Variants in DAPK1 observed in about 807,000 individuals in gnomAD.
DAPK1 encodes the protein death-associated protein kinase 1.
Under a neutral mutation model 144.9 loss-of-function variants are expected in DAPK1, and 56 were observed. The ratio of observed to expected loss-of-function variants is 0.39; its 90% CI spans 0.31 to 0.48. The LOEUF (loss-of-function observed/expected upper bound fraction) is 0.48, where lower values mean the gene tolerates loss of function less well. DAPK1 is among the 20% of genes least tolerant of loss of function. DAPK1 has a pLI of 0.95. For synonymous variants in DAPK1, 690 were observed against 749.0 expected (o/e 0.92, Z 1.29); for missense variants, 1,454 against 1,875.4 (o/e 0.78, Z 4.15).
chr9:87,580,856 CT>C, intron 2 of DAPK1, among the ~76,000 whole-genome samples: 1 of 152,290 alleles, frequency 6.6e-6, no homozygotes, highest in East Asian at 1.9e-4. Context: ...AAGCAGTGCT[CT>C]GAGTATGGGT....
chr9:87,536,208 AG>A (rs1159070022), intron 2 of DAPK1, among the ~76,000 whole-genome samples: 1 of 152,216 alleles, frequency 6.6e-6, no homozygotes, highest in East Asian at 1.9e-4. Context: ...GACATGTAGC[AG>A]AGGTACTAGT....
At chr9:87,611,089 G>A (rs1306312967) in intron 3 of DAPK1, among the ~76,000 whole-genome samples, 2 of 152,208 alleles carry the variant, frequency 1.3e-5, no homozygotes, top group South Asian at 2.1e-4. Flanking sequence ...TATAGGAGAA[G>A]TAACATGAGA....
intron 18 of DAPK1, among the ~76,000 whole-genome samples, chr9:87,659,321 C>T (rs559540804): frequency 2.0e-5 from 3 of 152,160 alleles, no homozygotes; most frequent in African/African-American, 2.4e-5. Context: ...GGTCACCCAC[C>T]GCAAACGCAC....
intron 2 of DAPK1, among the ~76,000 whole-genome samples, chr9:87,600,968 G>A (rs1828495054): frequency 6.6e-6 from 1 of 152,138 alleles, no homozygotes; most frequent in South Asian, 2.1e-4. Context: ...TCCTCTGAGG[G>A]CACACGATTT....
In DAPK1 at chr9:87,498,950, C is replaced by A; in HGVS notation, c.-108-20C>A. 1 of 631,948 alleles carries A rather than the reference C, an allele frequency of 1.6e-6. No individual in the cohort carries two copies. The highest frequency in any genetic ancestry group is 2.7e-6 in the Non-Finnish European group (1 of 363,952). The allele number at this position is 631,948 out of a possible 1,614,324, so 39.1% of individuals were successfully genotyped here. On this transcript the variant is annotated intron_variant, in intron 1 of 25. Transcript: ENST00000408954. ...GTTGCCATTTTACTATTATTATTGC[C>A]TTTTTTTTTTCTTCAAAAGGACTGG...
In DAPK1 at chr9:87,704,374, C is replaced by T. The variant is rs143437104; in HGVS notation, c.3060+1157C>T. On this transcript the variant is annotated intron_variant, in intron 25 of 25. Coordinates refer to ENST00000408954, the MANE Select transcript of DAPK1 (RefSeq NM_004938.4). Reference sequence around the variant, plus strand: ...TAGTCTCCTTTATTTGTCATTACATCCCTGCTTGCCCTTGAGAGTTTAGTA... The same window carrying T: ...TAGTCTCCTTTATTTGTCATTACATTCCTGCTTGCCCTTGAGAGTTTAGTA... Among the ~76,000 whole-genome samples the T allele has an allele frequency of 3.3e-4, 51 of 152,298 alleles. 1 individual carries two copies. In the East Asian group the frequency reaches 8.9e-3, roughly 27 times the overall value.
At chr9:87,658,175 T>C (rs1414500523) in intron 18 of DAPK1, 48 bp downstream of exon 18, 1 of 765,674 alleles carries the variant, frequency 1.3e-6, no homozygotes, top group East Asian at 2.5e-5. Context: ...TGGGAGCCTC[T>C]GGCGCCTCCA....
chr9:87,626,476 G>A (rs1274272164), intron 3 of DAPK1, among the ~76,000 whole-genome samples: 2 of 152,140 alleles, frequency 1.3e-5, no homozygotes, highest in Non-Finnish European at 2.9e-5. Context: ...GTGAGGACGC[G>A]AAGCCAAAGC....
At position 87,706,257 on chromosome 9, in the gene DAPK1, C is replaced by T. The variant is rs1429582582; in HGVS notation, c.3186C>T (p.Gly1062=). The change falls in exon 26 of 26, where the codon GGC becomes GGT. Residue 1062 remains glycine (G), a synonymous_variant. Coordinates refer to ENST00000408954, the MANE Select transcript of DAPK1 (RefSeq NM_004938.4). This position sits in a 1 kb window ranked among gnomAD's most constrained non-coding sequence, Gnocchi z 9.0. ...ETPRALHHYR[G]RYTVEDIQRL... is the part of the protein sequence containing the mutation. ...CACGGGCGCTGCACCACTACCGGGG[C>T]CGCTACACCGTGGAGGACATCCAGC... The T allele has an allele frequency of 6.2e-7, 1 of 1,613,706 alleles. No homozygotes were observed. The highest frequency in any genetic ancestry group is 1.1e-5 in the South Asian group (1 of 91,032).
rs189487756 is a variant in DAPK1, at chr9:87,554,921, C to A, written c.63-50033C>A. On this transcript the variant is annotated intron_variant, in intron 2 of 25. Coordinates refer to ENST00000408954, the MANE Select transcript of DAPK1 (RefSeq NM_004938.4). ...CTGGTGGCAAGTTCTCTGCCACAATCTACAGTGAGAATCTAATGATGGTAT... is the reference window on the plus strand; with the variant it reads ...CTGGTGGCAAGTTCTCTGCCACAATATACAGTGAGAATCTAATGATGGTAT... Among the ~76,000 whole-genome samples the A allele has an allele frequency of 2.7e-3, 414 of 152,298 alleles. 4 individuals carry two copies. Among genetic ancestry groups the A allele is most frequent in the African/African-American group, 9.7e-3 (405 of 41,568 alleles).
At chr9:87,701,625 C>T (rs1344705271) in intron 24 of DAPK1, among the ~76,000 whole-genome samples, 1 of 151,932 alleles carries the variant, frequency 6.6e-6, no homozygotes, top group Non-Finnish European at 1.5e-5. Context: ...GAAGTGGTGG[C>T]ATTCACTCTG....
At chr9:87,540,302 G>T (rs1319378167) in intron 2 of DAPK1, among the ~76,000 whole-genome samples, 1 of 145,762 alleles carries the variant, frequency 6.9e-6, no homozygotes, top group Non-Finnish European at 1.5e-5. Flanking sequence ...TGATTCTCCT[G>T]CCTCAGCCCC....
chr9:87,566,181 C>T (rs1563997678), intron 2 of DAPK1, among the ~76,000 whole-genome samples: 1 of 152,088 alleles, frequency 6.6e-6, no homozygotes, highest in East Asian at 1.9e-4. Flanking sequence ...CCACCATGCC[C>T]GGCTAATTTT....
chr9:87,559,918 C>T (rs1325489756), intron 2 of DAPK1, among the ~76,000 whole-genome samples: 1 of 152,082 alleles, frequency 6.6e-6, no homozygotes, highest in Non-Finnish European at 1.5e-5. Flanking sequence ...TGCCTCCATC[C>T]GCTTCTTTTG....
intron 2 of DAPK1, among the ~76,000 whole-genome samples, chr9:87,566,891 G>A (rs547918738): frequency 1.3e-5 from 2 of 152,276 alleles, no homozygotes; most frequent in South Asian, 2.1e-4. Flanking sequence ...CATACAGGGG[G>A]TTTTGGCAGG....
chr9:87,523,918 G>A (rs1308654358), intron 2 of DAPK1, among the ~76,000 whole-genome samples: 1 of 152,218 alleles, frequency 6.6e-6, no homozygotes, highest in Non-Finnish European at 1.5e-5. Context: ...CTAGACTGAT[G>A]AAATCCCACT....
intron 3 of DAPK1, chr9:87,632,139 A>G (rs1829713662): frequency 1.5e-5 from 11 of 730,538 alleles, no homozygotes; most frequent in Admixed American, 6.3e-5. Context: ...TATATAAAAT[A>G]CCAGATGGGT....
intron 14 of DAPK1, 23 bp downstream of exon 14, chr9:87,647,426 G>A: frequency 1.3e-6 from 2 of 1,596,418 alleles, no homozygotes; most frequent in Non-Finnish European, 1.7e-6. Flanking sequence ...CTCTTAGGAG[G>A]AACATGAGGT....
intron 2 of DAPK1, among the ~76,000 whole-genome samples, chr9:87,539,315 T>C (rs1477525916): frequency 2.0e-5 from 3 of 152,112 alleles, no homozygotes; most frequent in Non-Finnish European, 4.4e-5. Flanking sequence ...ACGGTAGTCC[T>C]CTCTTATCCT....
Sources: allele counts gnomAD v4.1 joint callset (sites outside exome capture counted in the v4.1 genomes callset), GRCh38; gene constraint gnomAD v4.1.1; non-coding constraint Gnocchi (gnomAD v3.1); transcripts MANE v1.5; gene names NCBI Gene and HGNC (gene_info 2026-07-23, HGNC 2026-07-21).